The following FAM110B variants were observed in gnomAD, a reference collection of about 807,000 sequenced individuals.
FAM110B encodes family with sequence similarity 110 member B, also known as protein FAM110B.
In FAM110B, 6 loss-of-function variants were observed where a neutral mutation model predicts 20.4. That is an observed-to-expected ratio of 0.29 (90% CI 0.16 to 0.58). The LOEUF (loss-of-function observed/expected upper bound fraction) is 0.58. Among genes scored for constraint, FAM110B ranks in the 20% least tolerant of loss-of-function variants. The probability of loss-of-function intolerance (pLI) is 0.90; values close to 1 mark genes in which losing one functional copy is unlikely to be tolerated. For missense variants in FAM110B, 434 were observed against 498.2 expected (o/e 0.87, Z 1.23); for synonymous variants, 226 against 214.1 (o/e 1.06, Z -0.49).
intron 1 of FAM110B, among the ~76,000 whole-genome samples, chr8:58,006,919 A>ATTTTTTTTTTT (rs137960762): frequency 8.8e-5 from 9 of 102,748 alleles, no homozygotes; most frequent in Non-Finnish European, 1.3e-4. Context: ...ATATATATAT[A>ATTTTTTTTTTT]TATATTTTTC....
Position 58,147,148 on chromosome 8 carries a change from C to G in FAM110B, c.918C>G (p.Leu306=). 3 of 1,614,176 alleles carry G rather than the reference C, an allele frequency of 1.9e-6. No homozygotes were observed. The highest frequency in any genetic ancestry group is 2.5e-6 in the Non-Finnish European group (3 of 1,180,038). The part of the protein sequence containing the change: ...FARANSDIIS[L]NFRSASMISS... ...GGGCTAATTCTGACATAATATCCCTCAACTTCCGCAGCGCAAGCATGATCA... is the reference window on the plus strand; with the variant it reads ...GGGCTAATTCTGACATAATATCCCTGAACTTCCGCAGCGCAAGCATGATCA... Residue 306 remains leucine (L), a synonymous_variant, in exon 4 of 4, where the codon CTC becomes CTG. Coordinates refer to ENST00000519262, the MANE Select transcript of FAM110B (RefSeq NM_001377989.1).
chr8:58,069,164 G>C (rs947590422), intron 2 of FAM110B, among the ~76,000 whole-genome samples: 2 of 152,148 alleles, frequency 1.3e-5, no homozygotes, highest in Admixed American at 1.3e-4. Flanking sequence ...TAGTATTTCT[G>C]ACAGAACTGT....
intron 3 of FAM110B, among the ~76,000 whole-genome samples, chr8:58,096,082 C>T (rs1217513361): frequency 1.3e-5 from 2 of 152,098 alleles, no homozygotes; most frequent in Non-Finnish European, 2.9e-5. Flanking sequence ...ATTTGCTTTC[C>T]ATTTGCTTGG....
chr8:58,035,054 G>T (rs933188155), intron 2 of FAM110B, among the ~76,000 whole-genome samples: 1 of 152,184 alleles, frequency 6.6e-6, no homozygotes, highest in African/African-American at 2.4e-5. Context: ...AGAGTGAATA[G>T]TCAAGAGTTA....
chr8:58,101,017 GA>G lies in FAM110B; in HGVS notation c.-325+25404del, dbSNP rs202223281. Reference sequence around the variant, plus strand: ...TGAAATCCCATCTCTACTAAAAATAGAAAAAAAAAATTAGCTGGGCATGGTG... The same window carrying G: ...TGAAATCCCATCTCTACTAAAAATAGAAAAAAAAATTAGCTGGGCATGGTG... On this transcript the variant is annotated intron_variant, in intron 3 of 3. Transcript: ENST00000519262. The G allele has an allele frequency of 3.7e-3, 554 of 149,190 alleles. 3 individuals carry two copies. The highest frequency in any genetic ancestry group is 0.013 in the African/African-American group (533 of 40,712). 9.2% of individuals were successfully genotyped at this position (149,190 alleles called of 1,614,324 possible).
At chr8:58,104,392 G>A (rs1296604239) in intron 3 of FAM110B, among the ~76,000 whole-genome samples, 2 of 152,130 alleles carry the variant, frequency 1.3e-5, no homozygotes, top group Non-Finnish European at 2.9e-5. Context: ...TAAATATATC[G>A]TTTTATATAT....
chr8:58,037,038 G>A (rs1052011607), intron 2 of FAM110B, among the ~76,000 whole-genome samples: 14 of 152,138 alleles, frequency 9.2e-5, no homozygotes, highest in Non-Finnish European at 1.0e-4. Flanking sequence ...GAAGAACATC[G>A]GATGGTGTGT....
chr8:58,031,858 T>C (rs1804968620), intron 2 of FAM110B, among the ~76,000 whole-genome samples, 155 bp downstream of exon 2: 1 of 152,180 alleles, frequency 6.6e-6, no homozygotes. Flanking sequence ...CCTTCTTTCT[T>C]CTCTCCCTTC....
chr8:58,012,316 G>T (rs1288892051), intron 1 of FAM110B, among the ~76,000 whole-genome samples: 2 of 151,596 alleles, frequency 1.3e-5, no homozygotes, highest in Non-Finnish European at 2.9e-5. Flanking sequence ...TAGGGTTTAA[G>T]ATAAAACTAA....
At chr8:58,061,558 G>A (rs2150585542) in intron 2 of FAM110B, among the ~76,000 whole-genome samples, 1 of 152,368 alleles carries the variant, frequency 6.6e-6, no homozygotes, top group Non-Finnish European at 1.5e-5. Flanking sequence ...AGTCATTCAA[G>A]AGGAATGTAA....
intron 2 of FAM110B, among the ~76,000 whole-genome samples, chr8:58,036,004 A>G (rs543133220): frequency 1.3e-5 from 2 of 152,126 alleles, no homozygotes; most frequent in African/African-American, 4.8e-5. Flanking sequence ...CCGGGCCTCT[A>G]TGGAGGAGGT....
intron 2 of FAM110B, among the ~76,000 whole-genome samples, chr8:58,073,442 A>G (rs371554617): frequency 6.6e-6 from 1 of 152,190 alleles, no homozygotes; most frequent in African/African-American, 2.4e-5. Flanking sequence ...ATTAAGTTGA[A>G]GCTGGCATAG....
intron 3 of FAM110B, among the ~76,000 whole-genome samples, chr8:58,082,707 G>A (rs1379188796): frequency 1.3e-5 from 2 of 152,168 alleles, no homozygotes; most frequent in African/African-American, 2.4e-5. Context: ...GCTGGGCACA[G>A]TGGCTCATAC....
intron 2 of FAM110B, among the ~76,000 whole-genome samples, chr8:58,049,608 T>C (rs1202726016): frequency 1.3e-5 from 2 of 152,194 alleles, no homozygotes; most frequent in African/African-American, 4.8e-5. Flanking sequence ...ACTCCCTGGC[T>C]ACACTGAATC....
intron 2 of FAM110B, among the ~76,000 whole-genome samples, chr8:58,060,066 G>T (rs980034454): frequency 6.6e-6 from 1 of 151,964 alleles, no homozygotes; most frequent in African/African-American, 2.4e-5. Flanking sequence ...TCTATTTATA[G>T]TCTGTTTCTT....
intron 3 of FAM110B, among the ~76,000 whole-genome samples, chr8:58,124,028 G>A (rs965084313): frequency 6.6e-6 from 1 of 152,148 alleles, no homozygotes; most frequent in Non-Finnish European, 1.5e-5. Context: ...ATCTCTGCTA[G>A]CCTACTTTAC....
intron 3 of FAM110B, among the ~76,000 whole-genome samples, chr8:58,089,263 C>A (rs957770837): frequency 6.6e-6 from 1 of 152,180 alleles, no homozygotes. Context: ...TCTCTATCAA[C>A]CTTGTCATTT....
chr8:58,121,238 C>T (rs1335757408), intron 3 of FAM110B, among the ~76,000 whole-genome samples: 1 of 152,158 alleles, frequency 6.6e-6, no homozygotes, highest in African/African-American at 2.4e-5. Flanking sequence ...TGTCCACACG[C>T]ACCACTGTGG....
chr8:58,065,810 A>T (rs940618532), intron 2 of FAM110B, among the ~76,000 whole-genome samples: 7 of 152,058 alleles, frequency 4.6e-5, no homozygotes, highest in Non-Finnish European at 1.0e-4. Context: ...CATTTTGGGG[A>T]TTCTCAAAGC....
Sources: gnomAD v4.1 joint callset for allele counts (sites outside exome capture counted in the v4.1 genomes callset) on GRCh38, gnomAD v4.1.1 for gene constraint, MANE v1.5 for transcripts, NCBI Gene and HGNC (gene_info 2026-07-23, HGNC 2026-07-21) for gene names.